The following TG variants were observed in gnomAD, a reference collection of about 807,000 sequenced individuals.
TG encodes thyroglobulin.
In TG, 270 loss-of-function variants were observed where a neutral mutation model predicts 324.7. That is an observed-to-expected ratio of 0.83 (90% CI 0.75 to 0.92). The LOEUF is 0.92. Among genes scored for constraint, TG ranks in the 40% least tolerant of loss-of-function variants. The pLI, the probability that TG is intolerant of heterozygous loss-of-function variation, is 0.00. For missense variants in TG, 3,591 were observed against 3,456.4 expected (o/e 1.04, Z -0.98); for synonymous variants, 1,401 against 1,327.0 (o/e 1.06, Z -1.21).
At chr8:133,012,156 G>C in intron 36 of TG, 121 bp downstream of exon 36, 1 of 1,432,306 alleles carries the variant, frequency 7.0e-7, no homozygotes, top group Non-Finnish European at 9.7e-7. Flanking sequence ...TTGGAAGTAA[G>C]GGATTAACCT....
At chr8:132,982,496 G>A (rs769252634) in intron 34 of TG, among the ~76,000 whole-genome samples, 6 of 152,166 alleles carry the variant, frequency 3.9e-5, no homozygotes, top group Non-Finnish European at 8.8e-5. Context: ...CATCATCTTC[G>A]TTTTATCAAT....
intron 40 of TG, among the ~76,000 whole-genome samples, chr8:133,026,594 G>A (rs910337425): frequency 1.3e-5 from 2 of 152,236 alleles, no homozygotes; most frequent in African/African-American, 2.4e-5. Context: ...CAGGAGGATA[G>A]GCTGGACAAG....
chr8:133,091,051 T>C (rs1409687304), intron 41 of TG, among the ~76,000 whole-genome samples: 1 of 152,206 alleles, frequency 6.6e-6, no homozygotes, highest in African/African-American at 2.4e-5. Context: ...GTTGAAATAA[T>C]ACTGTTGTTA....
chr8:133,112,699 T>C (rs993776836), intron 43 of TG, among the ~76,000 whole-genome samples: 8 of 152,166 alleles, frequency 5.3e-5, no homozygotes, highest in Admixed American at 4.6e-4. Context: ...CCCAGAGAAC[T>C]GCGTGCCTTT....
At chr8:132,950,225 T>A (rs1358640426) in intron 27 of TG, among the ~76,000 whole-genome samples, 1 of 152,230 alleles carries the variant, frequency 6.6e-6, no homozygotes, top group Non-Finnish European at 1.5e-5. Context: ...GTTGTCTATT[T>A]ATCTGCCAGA....
At chr8:133,006,617 G>A (rs945881589) in intron 35 of TG, among the ~76,000 whole-genome samples, 2 of 152,230 alleles carry the variant, frequency 1.3e-5, no homozygotes, top group Non-Finnish European at 2.9e-5. Flanking sequence ...AGCTGACTTA[G>A]TTAATACCGC....
intron 41 of TG, among the ~76,000 whole-genome samples, chr8:133,076,916 T>C (rs909392665): frequency 6.6e-6 from 1 of 152,152 alleles, no homozygotes; most frequent in African/African-American, 2.4e-5. Context: ...TATTTGAATA[T>C]GTACTACACA....
chr8:133,013,712 G>A lies in TG; in HGVS notation c.6510G>A (p.Gln2170=). ...TQSCTHSLQG[Q]NCRLLLREEA... ...GCTGCACACATAGTCTGCAGGGTCA[G>A]AACTGCCGACTTCTGCTTCGTGAAG... The change falls in exon 37 of 48, where the codon CAG becomes CAA. Residue 2170 remains glutamine, a synonymous_variant. Coordinates refer to ENST00000220616, the MANE Select transcript of TG (RefSeq NM_003235.5). The A allele has an allele frequency of 3.7e-6, 6 of 1,613,836 alleles. No homozygotes were observed. Among genetic ancestry groups the A allele is most frequent in the Non-Finnish European group, 5.1e-6 (6 of 1,180,040 alleles).
Position 132,897,700 on chromosome 8 carries a change from C to T in TG, c.3053C>T (p.Ala1018Val). 6.2e-7 allele frequency: 1 copy of T among 1,614,248 alleles called. No homozygotes were observed. Among genetic ancestry groups the T allele is most frequent in the Admixed American group, 1.7e-5 (1 of 60,034 alleles). The change falls in exon 12 of 48, where the codon GCA becomes GTA. Residue 1018 changes from alanine (A) to valine (V), a missense_variant. Transcript: ENST00000220616. ...RRFSPDDSAG[A>V]SALLRSGPYM... The stretch of plus-strand genomic sequence containing the variant: ...TTTTCCCCGGACGACTCGGCTGGAG[C>T]ATCCGCCCTTCTGCGGTCGGGCCCC...
In TG at chr8:132,888,061, C is replaced by A. The variant is rs562863121; in HGVS notation, c.2254C>A (p.Leu752Ile). ...VQALLSNSSM[L>I]PTLSDTYIPQ... is the part of the protein sequence containing the mutation. ...GGCCCTGCTCTCTAACTCCAGCATG[C>A]TACCCACCCTTTCCGACACCTACAT... The change falls in exon 10 of 48, where the codon CTA becomes ATA. Residue 752 changes from leucine to isoleucine, a missense_variant. By Grantham distance (5) the Leu-to-Ile change is conservative (BLOSUM62 2). Transcript: ENST00000220616. 1 of 1,614,156 alleles carries A rather than the reference C, an allele frequency of 6.2e-7. No individual in the cohort carries two copies. Among genetic ancestry groups the A allele is most frequent in the Middle Eastern group, 1.6e-4 (1 of 6,062 alleles).
Position 133,095,312 on chromosome 8 carries a change from A to G in TG, c.7404+104A>G, listed in dbSNP as rs960988018. ...GTCACCCACCCCAGCCATACCACAC[A>G]TGAGGCTGATGACCAACTGGAGCTG... On this transcript the variant is annotated intron_variant, in intron 42 of 47. Transcript: ENST00000220616. The G allele has an allele frequency of 2.0e-6, 3 of 1,483,572 alleles. No homozygotes were observed. The East Asian group carries it at 6.8e-5, about 34-fold the overall frequency. The allele number at this position is 1,483,572 out of a possible 1,614,324, so 91.9% of individuals were successfully genotyped here.
chr8:133,081,481 T>C (rs1390291490), intron 41 of TG, among the ~76,000 whole-genome samples: 2 of 152,150 alleles, frequency 1.3e-5, no homozygotes, highest in East Asian at 3.8e-4. Context: ...GGATCAGCGG[T>C]CCATCTGGAT....
Position 132,901,558 on chromosome 8 carries a change from G to A in TG, c.3634+5G>A, listed in dbSNP as rs775572760. 7.4e-6 allele frequency: 12 copies of A among 1,612,212 alleles called. No homozygotes were observed. Among genetic ancestry groups the A allele is most frequent in the Admixed American group, 1.7e-5 (1 of 59,974 alleles). On this transcript the variant is annotated splice_donor_5th_base_variant and intron_variant, in intron 16 of 47. Transcript: ENST00000220616. ...GGGGCCAGCCCGCCTGTGAGAGTAA[G>A]TCATGACCCCCTGGGGGGACGACGA...
intron 32 of TG, among the ~76,000 whole-genome samples, chr8:132,969,878 C>T (rs1250257916): frequency 1.5e-5 from 2 of 136,980 alleles, no homozygotes; most frequent in Non-Finnish European, 3.0e-5. Context: ...TGCGCCACTG[C>T]ACTCCAGCCT....
chr8:132,874,733 T>TA (rs899756074), intron 5 of TG, among the ~76,000 whole-genome samples: 2 of 152,172 alleles, frequency 1.3e-5, no homozygotes, highest in Non-Finnish European at 2.9e-5. Flanking sequence ...TTTTGTAGGT[T>TA]AAAAAATAGT....
intron 32 of TG, among the ~76,000 whole-genome samples, chr8:132,970,830 A>G (rs1164244424): frequency 2.0e-5 from 3 of 152,160 alleles, no homozygotes; most frequent in Non-Finnish European, 4.4e-5. Context: ...CCAAGATAGG[A>G]AAAGGAAGCA....
At chr8:133,060,237 G>A in intron 41 of TG, 2 of 1,612,688 alleles carry the variant, frequency 1.2e-6, no homozygotes, top group Non-Finnish European at 1.7e-6. Flanking sequence ...AGTCAACCGT[G>A]CCCTGAGCCC....
At position 132,895,380 on chromosome 8, in the gene TG, C is replaced by T. The variant is rs115052060; in HGVS notation, c.3001+1451C>T. ...GGCACTCCAGGGTGTCTATGGCCAGCGTGGGATTGGGTCTCAGTGATCTTT... is the reference window on the plus strand; with the variant it reads ...GGCACTCCAGGGTGTCTATGGCCAGTGTGGGATTGGGTCTCAGTGATCTTT... On this transcript the variant is annotated intron_variant, in intron 11 of 47. Coordinates refer to ENST00000220616, the MANE Select transcript of TG (RefSeq NM_003235.5). Among the ~76,000 whole-genome samples the T allele has an allele frequency of 2.8e-3, 433 of 152,344 alleles. 4 individuals are homozygous for T. The highest frequency in any genetic ancestry group is 0.01 in the African/African-American group (417 of 41,576).
chr8:132,988,977 G>A (rs1831965475), intron 35 of TG: 4 of 839,562 alleles, frequency 4.8e-6, no homozygotes, highest in South Asian at 1.1e-4. Context: ...GGTTTAATTG[G>A]ACTCACAGCT....
Sources: allele counts gnomAD v4.1 joint callset (sites outside exome capture counted in the v4.1 genomes callset), GRCh38; gene constraint gnomAD v4.1.1; transcripts MANE v1.5; gene names NCBI Gene and HGNC (gene_info 2026-07-23, HGNC 2026-07-21).